Variants in OSCAR observed in about 807,000 individuals in gnomAD.
The protein encoded by OSCAR is osteoclast associated Ig-like receptor.
OSCAR carries 25 observed loss-of-function variants against 27.3 expected under a neutral mutation model. That is an observed-to-expected ratio of 0.92 (90% confidence interval 0.67 to 1.28). The LOEUF (loss-of-function observed/expected upper bound fraction) is 1.28, where lower values mean the gene tolerates loss of function less well. OSCAR is among the 50% of genes most tolerant of loss of function. The pLI is 0.00. For missense variants in OSCAR, 354 were observed against 355.1 expected (o/e 1.00, Z 0.03); for synonymous variants, 158 against 165.7 (o/e 0.95, Z 0.36).
Position 54,095,966 on chromosome 19 carries a change from G to A in OSCAR, c.561C>T (p.Ala187=), listed in dbSNP as rs61742140. 6,652 of 1,590,572 alleles carry A rather than the reference G, an allele frequency of 4.2e-3. 257 individuals carry two copies. In the African/African-American group the frequency reaches 0.077, roughly 18 times the overall value. ...QPWADFTLLG[A]RAPGTYSCYY... ...AGCAGCTGTAGGTGCCGGGGGCGCG[G>A]GCGCCCAGCAGCGTGAAGTCGGCCC... is the stretch of plus-strand genomic sequence containing the variant. Residue 187 remains alanine (A), a synonymous_variant, in exon 4 of 5, where the codon GCC becomes GCT. Transcript: ENST00000358375.
intron 2 of OSCAR, among the ~76,000 whole-genome samples, chr19:54,097,598 T>G (rs2072818513): frequency 7.5e-6 from 1 of 134,010 alleles, no homozygotes; most frequent in African/African-American, 2.9e-5. Flanking sequence ...TTTTTTTTTT[T>G]TTTTTTTTTT....
rs1309322333 is a variant in OSCAR at position 54,095,873 on chromosome 19, T to G, written c.654A>C (p.Glu218Asp). The G allele has an allele frequency of 5.1e-6, 8 of 1,556,384 alleles. No individual in the cohort carries two copies. The East Asian group carries it at 1.9e-4, about 38-fold the overall frequency. The change falls in exon 4 of 5, where the codon GAA becomes GAC. Residue 218 changes from glutamate (E) to aspartate (D), a missense_variant and splice_region_variant. Physicochemically the swap from Glu to Asp is conservative, Grantham distance 45. Transcript: ENST00000358375. ...CGGGCCGGGCCTCAGGGCCCTCACCTTCCCAGCTGATGACCAGCACCTCGC... is the reference window on the plus strand; with the variant it reads ...CGGGCCGGGCCTCAGGGCCCTCACCGTCCCAGCTGATGACCAGCACCTCGC... ...QRSEVLVISWEDSGSSDYTRG... is the reference protein window; with the variant it reads ...QRSEVLVISWDDSGSSDYTRG...
chr19:54,098,061 T>A (rs1298940251), intron 2 of OSCAR, among the ~76,000 whole-genome samples: 9 of 152,160 alleles, frequency 5.9e-5, no homozygotes, highest in Admixed American at 1.3e-4. Context: ...TCTTTTTTTT[T>A]AAACTATAAA....
Position 54,096,036 on chromosome 19 carries a change from T to C in OSCAR, c.491A>G (p.Glu164Gly), listed in dbSNP as rs2072660355. The stretch of plus-strand genomic sequence containing the variant: ...GTACTGCAGCGGGGCCGCCACGCCC[T>C]CGCGGTACAGCACGAAGCTCATGTT... The part of the protein sequence containing the change: ...LRNMSFVLYR[E>G]GVAAPLQYRH... Residue 164 changes from glutamate (E) to glycine (G), a missense_variant, in exon 4 of 5, where the codon GAG becomes GGG. Glu to Gly is a moderately conservative substitution (Grantham distance 98). Transcript: ENST00000358375. The C allele has an allele frequency of 3.2e-6, 5 of 1,560,416 alleles. No homozygotes were observed. Among genetic ancestry groups the C allele is most frequent in the Non-Finnish European group, 4.3e-6 (5 of 1,156,344 alleles).
chr19:54,099,574 G>A, intron 2 of OSCAR, 174 bp downstream of exon 2: 1 of 1,588,584 alleles, frequency 6.3e-7, no homozygotes, highest in Non-Finnish European at 8.6e-7. Flanking sequence ...AGAAGTTCCT[G>A]GTCTTCAGTA....
At chr19:54,099,211 T>C (rs587731437) in intron 2 of OSCAR, among the ~76,000 whole-genome samples, 2 of 138,328 alleles carry the variant, frequency 1.4e-5, no homozygotes, top group Admixed American at 7.5e-5. Flanking sequence ...TACAGGTGCG[T>C]CCCACCACAC....
Position 54,097,125 on chromosome 19 carries a change from G to A in OSCAR, c.110C>T (p.Ala37Val). The A allele has an allele frequency of 6.2e-7, 1 of 1,614,188 alleles. No individual in the cohort carries two copies. Among genetic ancestry groups the A allele is most frequent in the Non-Finnish European group, 8.5e-7 (1 of 1,180,022 alleles). Residue 37 changes from alanine (A) to valine (V), a missense_variant, in exon 3 of 5, where the codon GCT becomes GTT. Physicochemically the swap from Ala to Val is moderately conservative, Grantham distance 64. Coordinates refer to ENST00000358375, the MANE Select transcript of OSCAR (RefSeq NM_133169.6). ...ASYHPKPWLG[A>V]QPATVVTPGV... ...AGGGGTCACAACTGTAGCCGGCTGA[G>A]CTCCCAGCCATGGCTTAGGGTGGTA...
At chr19:54,096,264 T>G in intron 3 of OSCAR, 111 bp from the exon 4 acceptor site, 1 of 954,822 alleles carries the variant, frequency 1.0e-6, no homozygotes, top group Non-Finnish European at 1.5e-6. Flanking sequence ...CTCTCTCTCT[T>G]TCTGCCTCTC....
At chr19:54,100,683 C>A in intron 1 of OSCAR, 73 bp downstream of exon 1, 1 of 1,468,182 alleles carries the variant, frequency 6.8e-7, no homozygotes, top group Non-Finnish European at 9.3e-7. Flanking sequence ...TGCAGGGTGT[C>A]TGGGTCTCCA....
At chr19:54,096,179 G>A in intron 3 of OSCAR, 26 bp from the exon 4 acceptor site, 3 of 1,475,980 alleles carry the variant, frequency 2.0e-6, no homozygotes, top group Admixed American at 5.0e-5. Flanking sequence ...GAGAGTCCGG[G>A]GCCGCGTGAG....
In OSCAR at chr19:54,096,002, G is replaced by T. The variant is rs760970135; in HGVS notation, c.525C>A (p.Ser175=). Residue 175 remains serine, a synonymous_variant, in exon 4 of 5, where the codon TCC becomes TCA. Transcript: ENST00000358375. ...GCGTGAAGTCGGCCCAGGGCTGCGC[G>T]GAGTGGCGGTACTGCAGCGGGGCCG... ...GVAAPLQYRH[S]AQPWADFTLL... 1 of 1,583,026 alleles carries T rather than the reference G, an allele frequency of 6.3e-7. No homozygotes were observed. The highest frequency in any genetic ancestry group is 8.6e-7 in the Non-Finnish European group (1 of 1,166,102).
In OSCAR at chr19:54,096,010, G is replaced by A. The variant is rs776984181; in HGVS notation, c.517C>T (p.Arg173Cys). 3 of 1,578,488 alleles carry A rather than the reference G, an allele frequency of 1.9e-6. No individual in the cohort carries two copies. Among genetic ancestry groups the A allele is most frequent in the Non-Finnish European group, 2.6e-6 (3 of 1,164,208 alleles). Residue 173 changes from arginine to cysteine, a missense_variant, in exon 4 of 5, where the codon CGC becomes TGC. By Grantham distance (180) the Arg-to-Cys change is radical. Coordinates refer to ENST00000358375, the MANE Select transcript of OSCAR (RefSeq NM_133169.6). ...TCGGCCCAGGGCTGCGCGGAGTGGC[G>A]GTACTGCAGCGGGGCCGCCACGCCC... ...REGVAAPLQY[R>C]HSAQPWADFT...
At chr19:54,099,499 G>T in intron 2 of OSCAR, 1 of 1,231,664 alleles carries the variant, frequency 8.1e-7, no homozygotes, top group Non-Finnish European at 1.2e-6. Context: ...CTTGTTCTAG[G>T]TCATATGGTC....
rs1389770166 is a variant in OSCAR at position 54,095,088 on chromosome 19, A to G, written c.*133T>C. The G allele has an allele frequency of 1.0e-5, 14 of 1,391,612 alleles. No homozygotes were observed. Among genetic ancestry groups the G allele is most frequent in the Non-Finnish European group, 1.3e-5 (14 of 1,048,168 alleles). The allele number at this position is 1,391,612 out of a possible 1,614,324, so 86.2% of individuals were successfully genotyped here. On this transcript the variant is annotated 3_prime_UTR_variant, in exon 5 of 5. Transcript: ENST00000358375. The stretch of plus-strand genomic sequence containing the variant: ...GGAAAGAAGCTACAGCACAGGGCAC[A>G]GCGGGGTCTAAGGACCGTTCCGCGG...
chr19:54,095,235 C>T lies in OSCAR; in HGVS notation c.778G>A (p.Gly260Ser), dbSNP rs1231886249. The change falls in exon 5 of 5, where the codon GGT (glycine) becomes AGT (serine). Residue 260 changes from glycine to serine, a missense_variant. Physicochemically the swap from Gly to Ser is moderately conservative, Grantham distance 56. Coordinates refer to ENST00000358375, the MANE Select transcript of OSCAR (RefSeq NM_133169.6). ...GCTCCTGGGGCTCAGGGGCGGATACCAGCAGGAGCGCGGTTCTGACTGCGC... is the reference window on the plus strand; with the variant it reads ...GCTCCTGGGGCTCAGGGGCGGATACTAGCAGGAGCGCGGTTCTGACTGCGC... ...DWRSQNRAPA[G>S]IRP is the part of the protein sequence containing the mutation. The T allele has an allele frequency of 6.2e-7, 1 of 1,611,976 alleles. No individual in the cohort carries two copies. Among genetic ancestry groups the T allele is most frequent in the African/African-American group, 1.3e-5 (1 of 74,902 alleles).
intron 1 of OSCAR, 82 bp from the exon 2 acceptor site, chr19:54,099,862 G>C: frequency 2.0e-6 from 3 of 1,482,814 alleles, no homozygotes; most frequent in Admixed American, 2.3e-5. Flanking sequence ...GCCCAGGCTG[G>C]AGTGTAGTGG....
chr19:54,099,591 TA>T, intron 2 of OSCAR, 156 bp downstream of exon 2: 1 of 1,607,248 alleles, frequency 6.2e-7, no homozygotes, highest in Non-Finnish European at 8.5e-7. Flanking sequence ...AGTACTCACC[TA>T]TAATGGCCAC....
chr19:54,098,704 G>A (rs141622069), intron 2 of OSCAR, among the ~76,000 whole-genome samples: 77 of 151,636 alleles, frequency 5.1e-4, no homozygotes, highest in African/African-American at 1.8e-3. Flanking sequence ...TAAAAATAAG[G>A]GTCGGGTGAG....
intron 2 of OSCAR, among the ~76,000 whole-genome samples, chr19:54,099,125 C>T (rs1208825001): frequency 3.3e-5 from 5 of 150,866 alleles, no homozygotes; most frequent in South Asian, 2.1e-4. Flanking sequence ...TGCAGTGGCG[C>T]GATCTCAGCT....
Sources: allele counts gnomAD v4.1 joint callset (sites outside exome capture counted in the v4.1 genomes callset), GRCh38; gene constraint gnomAD v4.1.1; transcripts MANE v1.5; gene names NCBI Gene and HGNC (gene_info 2026-07-23, HGNC 2026-07-21).